KBTBD12: variants seen among roughly 807,000 people sequenced by gnomAD.
KBTBD12 encodes the protein kelch repeat and BTB domain-containing protein 12.
A neutral mutation model predicts 58.7 loss-of-function variants in KBTBD12; 53 were observed. The observed-to-expected ratio is 0.90, with a 90% CI of 0.72 to 1.14. The LOEUF is 1.14. Among genes scored for constraint, KBTBD12 ranks in the 50% most tolerant of loss-of-function variants. KBTBD12 has a pLI of 0.00. For missense variants in KBTBD12, 704 were observed against 751.3 expected (o/e 0.94, Z 0.74); for synonymous variants, 236 against 259.8 (o/e 0.91, Z 0.88).
intron 4 of KBTBD12, among the ~76,000 whole-genome samples, chr3:127,953,812 C>T (rs568306745): frequency 2.0e-5 from 3 of 152,350 alleles, no homozygotes; most frequent in Admixed American, 1.3e-4. Flanking sequence ...GCTCAAGTGA[C>T]TCCATTGCTC....
intron 4 of KBTBD12, among the ~76,000 whole-genome samples, chr3:127,949,862 G>A (rs933085891): frequency 6.6e-6 from 1 of 152,184 alleles, no homozygotes; most frequent in Non-Finnish European, 1.5e-5. Flanking sequence ...CAGAGAAGGG[G>A]AAGGAGTTGG....
At chr3:127,983,810 G>A (rs1940917800) in intron 5 of KBTBD12, among the ~76,000 whole-genome samples, 1 of 151,852 alleles carries the variant, frequency 6.6e-6, no homozygotes, top group African/African-American at 2.4e-5. Context: ...CTGTCCCAGT[G>A]ACCTCTTTGC....
At chr3:127,964,434 C>A (rs2107610924) in intron 5 of KBTBD12, among the ~76,000 whole-genome samples, 1 of 151,324 alleles carries the variant, frequency 6.6e-6, no homozygotes. Flanking sequence ...GAGTTTGAGA[C>A]CATCCTGGCC....
intron 5 of KBTBD12, among the ~76,000 whole-genome samples, chr3:127,975,408 T>A (rs1940766549): frequency 6.6e-6 from 1 of 152,240 alleles, no homozygotes; most frequent in Admixed American, 6.5e-5. Context: ...CTGATACTTC[T>A]GACAGTCTCT....
chr3:127,918,469 T>C (rs965042349), intron 1 of KBTBD12, among the ~76,000 whole-genome samples: 1 of 152,134 alleles, frequency 6.6e-6, no homozygotes, highest in Non-Finnish European at 1.5e-5. Flanking sequence ...TCCCAGCACT[T>C]TGGGAGGCCG....
chr3:127,931,159 A>C (rs1939691387), intron 4 of KBTBD12, among the ~76,000 whole-genome samples: 1 of 152,162 alleles, frequency 6.6e-6, no homozygotes, highest in Non-Finnish European at 1.5e-5. Flanking sequence ...GAAATATGAA[A>C]TAGGGAATGG....
At chr3:127,937,649 G>T (rs977698663) in intron 4 of KBTBD12, among the ~76,000 whole-genome samples, 2 of 152,006 alleles carry the variant, frequency 1.3e-5, no homozygotes, top group African/African-American at 4.8e-5. Context: ...GAAGAAAAAT[G>T]GGTGAGGATT....
intron 4 of KBTBD12, among the ~76,000 whole-genome samples, chr3:127,939,065 C>T (rs1576377972): frequency 1.3e-5 from 2 of 152,296 alleles, no homozygotes; most frequent in East Asian, 3.9e-4. Flanking sequence ...GCATGAGTTA[C>T]TGAAAAGGGA....
At chr3:127,979,700 C>G (rs1940842225) in intron 5 of KBTBD12, among the ~76,000 whole-genome samples, 1 of 152,202 alleles carries the variant, frequency 6.6e-6, no homozygotes, top group African/African-American at 2.4e-5. Flanking sequence ...AGTGAGTTCT[C>G]TTGGACAGCA....
intron 4 of KBTBD12, among the ~76,000 whole-genome samples, chr3:127,947,896 C>T (rs1049615685): frequency 2.0e-5 from 3 of 152,190 alleles, no homozygotes; most frequent in African/African-American, 7.2e-5. Context: ...GGAATGTTAG[C>T]TCATCTAGTC....
chr3:127,926,179 G>A (rs1939562651), intron 2 of KBTBD12, among the ~76,000 whole-genome samples: 1 of 151,726 alleles, frequency 6.6e-6, no homozygotes, highest in Admixed American at 6.6e-5. Flanking sequence ...TTTTATCTGG[G>A]TATTTTCTCT....
At chr3:127,967,823 G>A (rs1478576080) in intron 5 of KBTBD12, among the ~76,000 whole-genome samples, 5 of 152,224 alleles carry the variant, frequency 3.3e-5, no homozygotes, top group Non-Finnish European at 7.3e-5. Flanking sequence ...AGTCTTTTGG[G>A]AGATAATTTT....
chr3:127,978,095 A>T (rs369542792), intron 5 of KBTBD12, among the ~76,000 whole-genome samples: 1 of 152,142 alleles, frequency 6.6e-6, no homozygotes, highest in African/African-American at 2.4e-5. Context: ...TCCTTTCCCC[A>T]TTGCTTCTTT....
Position 127,963,179 on chromosome 3 carries a change from T to A in KBTBD12, c.1493-10T>A. ...CTGATCCTCTCATTTCTCCACATAATTCTCTGCAGGTGGCATTGGCTGTGT... is the reference window on the plus strand; with the variant it reads ...CTGATCCTCTCATTTCTCCACATAAATCTCTGCAGGTGGCATTGGCTGTGT... On this transcript the variant is annotated splice_polypyrimidine_tract_variant and intron_variant, in intron 4 of 5. Coordinates refer to ENST00000405109, the MANE Select transcript of KBTBD12 (RefSeq NM_207335.4). The A allele has an allele frequency of 6.3e-7, 1 of 1,587,628 alleles. No individual in the cohort carries two copies. Among genetic ancestry groups the A allele is most frequent in the East Asian group, 2.2e-5 (1 of 44,482 alleles).
chr3:127,931,459 T>C (rs964706399), intron 4 of KBTBD12, among the ~76,000 whole-genome samples: 2 of 152,062 alleles, frequency 1.3e-5, no homozygotes, highest in Middle Eastern at 3.2e-3. Flanking sequence ...CCCTAACCTA[T>C]GATAGATCAC....
intron 4 of KBTBD12, 62 bp from the exon 5 acceptor site, chr3:127,963,127 G>A: frequency 1.4e-6 from 2 of 1,393,660 alleles, no homozygotes; most frequent in Non-Finnish European, 2.0e-6. Context: ...GCAGGGGGCA[G>A]TGCTGTCCAC....
intron 3 of KBTBD12, among the ~76,000 whole-genome samples, chr3:127,928,304 T>C (rs1939624355): frequency 1.3e-5 from 2 of 152,158 alleles, no homozygotes; most frequent in Admixed American, 6.5e-5. Flanking sequence ...ATGAAAGATA[T>C]TTGTGCTGAG....
intron 4 of KBTBD12, among the ~76,000 whole-genome samples, chr3:127,960,807 A>G (rs1576389006): frequency 6.6e-6 from 1 of 152,248 alleles, no homozygotes; most frequent in East Asian, 1.9e-4. Flanking sequence ...CCTGCCAACC[A>G]AATAGAAAGG....
At chr3:127,976,752 A>G (rs1940790355) in intron 5 of KBTBD12, among the ~76,000 whole-genome samples, 1 of 152,236 alleles carries the variant, frequency 6.6e-6, no homozygotes, top group South Asian at 2.1e-4. Flanking sequence ...GTTAGGTAGT[A>G]GAGGCTGTCC....
Sources: gnomAD v4.1 joint callset for allele counts (sites outside exome capture counted in the v4.1 genomes callset) on GRCh38, gnomAD v4.1.1 for gene constraint, MANE v1.5 for transcripts, NCBI Gene and HGNC (gene_info 2026-07-23, HGNC 2026-07-21) for gene names.